Variants in DNAH17 observed in about 807,000 individuals in gnomAD.
DNAH17 encodes axonemal beta dynein heavy chain 17.
DNAH17 carries 376 observed loss-of-function variants against 485.6 expected under a neutral mutation model. The observed-to-expected ratio is 0.77, with a 90% confidence interval of 0.71 to 0.84. The LOEUF (loss-of-function observed/expected upper bound fraction) is 0.84. Ranked by LOEUF, DNAH17 falls within the 40% of genes least tolerant of loss-of-function variation. DNAH17 has a pLI of 0.00. For synonymous variants in DNAH17, 3,031 were observed against 2,405.9 expected, an observed-to-expected ratio of 1.26 and a Z score of -7.60; for missense variants, 6,370 against 5,839.3, an observed-to-expected ratio of 1.09 and a Z score of -2.96.
intron 3 of DNAH17, 85 bp downstream of exon 3, chr17:78,572,616 T>C: frequency 9.3e-7 from 1 of 1,079,812 alleles, no homozygotes; most frequent in Non-Finnish European, 1.2e-6. Context: ...CGGGTCGGAG[T>C]GGGGTGGAGT....
chr17:78,573,152 G>A (rs1028788196), intron 2 of DNAH17, among the ~76,000 whole-genome samples: 1 of 152,142 alleles, frequency 6.6e-6, no homozygotes, highest in African/African-American at 2.4e-5. Flanking sequence ...TGGTACCAAA[G>A]CCATCCCCAA....
rs2086398994 is a variant in DNAH17 at position 78,425,396 on chromosome 17, A to G, written c.13091T>C (p.Met4364Thr). 5 of 1,614,004 alleles carry G rather than the reference A, an allele frequency of 3.1e-6. No homozygotes were observed. The South Asian group carries it at 5.5e-5, about 18-fold the overall frequency. The change falls in exon 80 of 81, where the codon ATG becomes ACG. Residue 4364 changes from methionine to threonine, a missense_variant. Physicochemically the swap from Met to Thr is moderately conservative, Grantham distance 81. Coordinates refer to ENST00000389840, the MANE Select transcript of DNAH17 (RefSeq NM_173628.4). ...GGAGCCCTCTCGCGGAGGAGCGGTC[A>G]TGTCCTCTCGGTTTTTCTTGGTCAC... ...VEVTKKNRED[M>T]TAPPREGSYV...
chr17:78,502,782 T>A, intron 32 of DNAH17, 84 bp from the exon 33 acceptor site: 7 of 1,590,142 alleles, frequency 4.4e-6, no homozygotes, highest in Non-Finnish European at 6.0e-6. Context: ...AAAGCTTAGA[T>A]GGTTTTCCAG....
chr17:78,530,954 T>C (rs1380695484), intron 20 of DNAH17, among the ~76,000 whole-genome samples: 1 of 152,198 alleles, frequency 6.6e-6, no homozygotes, highest in African/African-American at 2.4e-5. Context: ...TTTCTCACTG[T>C]GCATTGGGAA....
chr17:78,555,720 G>A (rs1421577299), intron 14 of DNAH17, among the ~76,000 whole-genome samples: 3 of 152,146 alleles, frequency 2.0e-5, no homozygotes, highest in Non-Finnish European at 4.4e-5. Flanking sequence ...TTTCTGAGGT[G>A]CGTGAGGTTG....
Position 78,460,007 on chromosome 17 carries a change from A to T in DNAH17, c.9436-6T>A. The T allele has an allele frequency of 6.2e-7, 1 of 1,612,404 alleles. No homozygotes were observed. Among genetic ancestry groups the T allele is most frequent in the Non-Finnish European group, 8.5e-7 (1 of 1,179,858 alleles). ...TTCAGCTCTGTCAGGTTGTTCTGCA[A>T]ATGACAGACGGGATGGGTCCGATGG... On this transcript the variant is annotated splice_polypyrimidine_tract_variant and splice_region_variant and intron_variant, in intron 59 of 80. Coordinates refer to ENST00000389840, the MANE Select transcript of DNAH17 (RefSeq NM_173628.4).
At chr17:78,532,351 C>G (rs1356143156) in intron 20 of DNAH17, 131 bp downstream of exon 20, 2 of 1,293,196 alleles carry the variant, frequency 1.5e-6, no homozygotes, top group Non-Finnish European at 2.1e-6. Context: ...TGGTCACCTC[C>G]TGATGTTTGC....
intron 48 of DNAH17, among the ~76,000 whole-genome samples, chr17:78,483,616 G>A (rs557012593): frequency 2.1e-5 from 3 of 143,524 alleles, no homozygotes; most frequent in Non-Finnish European, 4.5e-5. Flanking sequence ...GGCAGCAAGA[G>A]CGAAACTCTG....
chr17:78,543,791 G>T, intron 17 of DNAH17, 66 bp downstream of exon 17: 1 of 1,605,948 alleles, frequency 6.2e-7, no homozygotes, highest in South Asian at 1.1e-5. Flanking sequence ...TCCAGCCCTG[G>T]GTTTACTCTC....
rs147229234 is a variant in DNAH17 at position 78,545,105 on chromosome 17, C to G, written c.2392-1108G>C. 4.4e-3 allele frequency among the ~76,000 whole-genome samples: 677 copies of G among 152,234 alleles called. 3 individuals carry two copies. Among genetic ancestry groups the G allele is most frequent in the Non-Finnish European group, 7.4e-3 (505 of 68,010 alleles). ...CATCATCAATTCAGCTGTTTCTCAG[C>G]TGCCTCTGTGACTCTGGGGTGAACG... On this transcript the variant is annotated intron_variant, in intron 16 of 80. Coordinates refer to ENST00000389840, the MANE Select transcript of DNAH17 (RefSeq NM_173628.4).
chr17:78,501,454 C>A, intron 34 of DNAH17, 110 bp from the exon 35 acceptor site: 1 of 1,342,554 alleles, frequency 7.4e-7, no homozygotes, highest in Non-Finnish European at 9.9e-7. Context: ...AGGGAACCCT[C>A]CCTGGCCCTC....
At chr17:78,430,022 C>A (rs908803567) in intron 75 of DNAH17, among the ~76,000 whole-genome samples, 1 of 152,212 alleles carries the variant, frequency 6.6e-6, no homozygotes, top group Non-Finnish European at 1.5e-5. Flanking sequence ...GGCGACCACA[C>A]GCTTCCCACC....
intron 40 of DNAH17, 156 bp from the exon 41 acceptor site, chr17:78,494,329 G>T: frequency 1.7e-6 from 2 of 1,199,876 alleles, no homozygotes; most frequent in South Asian, 1.6e-5. Flanking sequence ...TCAATGCCGA[G>T]AGTTGACATA....
intron 48 of DNAH17, among the ~76,000 whole-genome samples, chr17:78,483,146 G>C (rs2089424633): frequency 1.3e-5 from 2 of 152,108 alleles, no homozygotes; most frequent in African/African-American, 4.8e-5. Context: ...CTCCTCAAAT[G>C]ATGTCAAACT....
At chr17:78,469,760 G>A (rs1331011984) in intron 54 of DNAH17, among the ~76,000 whole-genome samples, 2 of 152,200 alleles carry the variant, frequency 1.3e-5, no homozygotes, top group Non-Finnish European at 2.9e-5. Context: ...AGGAAATTCT[G>A]ACACGTGCTA....
intron 62 of DNAH17, among the ~76,000 whole-genome samples, chr17:78,457,168 C>T (rs1006308043): frequency 1.1e-4 from 16 of 152,142 alleles, no homozygotes; most frequent in African/African-American, 3.9e-4. Context: ...GTCAGGAGTT[C>T]GAGACCACCC....
At chr17:78,491,883 T>G (rs565297277) in intron 42 of DNAH17, among the ~76,000 whole-genome samples, 1 of 152,316 alleles carries the variant, frequency 6.6e-6, no homozygotes, top group Non-Finnish European at 1.5e-5. Flanking sequence ...GCAGCACCTG[T>G]GCACCCAGCT....
At chr17:78,553,949 T>C (rs1204043781) in intron 14 of DNAH17, among the ~76,000 whole-genome samples, 6 of 152,086 alleles carry the variant, frequency 3.9e-5, no homozygotes, top group African/African-American at 9.7e-5. Flanking sequence ...CCCTGGTCAA[T>C]CTAAAGCTCA....
At chr17:78,448,003 C>T (rs1407059382) in intron 69 of DNAH17, among the ~76,000 whole-genome samples, 2 of 152,032 alleles carry the variant, frequency 1.3e-5, no homozygotes, top group African/African-American at 4.8e-5. Flanking sequence ...GAAACCCCGT[C>T]TCAACTAAAA....
Sources: gnomAD v4.1 joint callset for allele counts (sites outside exome capture counted in the v4.1 genomes callset) on GRCh38, gnomAD v4.1.1 for gene constraint, MANE v1.5 for transcripts, NCBI Gene and HGNC (gene_info 2026-07-23, HGNC 2026-07-21) for gene names.